AAK1: variants seen among roughly 807,000 people sequenced by gnomAD.
AAK1 encodes AP2-associated protein kinase 1.
Under a neutral mutation model 116.0 loss-of-function variants are expected in AAK1, and 37 were observed. The ratio of observed to expected loss-of-function variants is 0.32; its 90% CI spans 0.25 to 0.42. The LOEUF is 0.42. AAK1 is among the 10% of genes least tolerant of loss of function. The pLI is 1.00. For synonymous variants in AAK1, 458 were observed against 439.9 expected (o/e 1.04, Z -0.51); for missense variants, 919 against 1,170.6 (o/e 0.79, Z 3.14).
intron 2 of AAK1, among the ~76,000 whole-genome samples, chr2:69,559,720 A>G (rs1481420960): frequency 6.6e-6 from 1 of 152,208 alleles, no homozygotes; most frequent in African/African-American, 2.4e-5. Context: ...TCTCTCTCCT[A>G]TAAAAACCAT....
chr2:69,473,914 C>A lies in AAK1; in HGVS notation c.*1955G>T. 1 of 985,806 alleles carries A rather than the reference C, an allele frequency of 1.0e-6. No homozygotes were observed. The highest frequency in any genetic ancestry group is 1.2e-6 in the Non-Finnish European group (1 of 829,924). The allele number at this position is 985,806 out of a possible 1,614,324, so 61.1% of individuals were successfully genotyped here. On this transcript the variant is annotated 3_prime_UTR_variant, in exon 22 of 22. Coordinates refer to ENST00000409085, the MANE Select transcript of AAK1 (RefSeq NM_014911.5). ...AGTCCTATTTTCACTGCTATCCAAC[C>A]ACAGAGAGCCCTTCGTGGATATCTT... is the stretch of plus-strand genomic sequence containing the variant.
At chr2:69,554,810 T>C (rs1253909063) in intron 3 of AAK1, among the ~76,000 whole-genome samples, 1 of 152,228 alleles carries the variant, frequency 6.6e-6, no homozygotes, top group Non-Finnish European at 1.5e-5. Context: ...CCTATTTGAA[T>C]ATTAAAGCTT....
intron 2 of AAK1, among the ~76,000 whole-genome samples, chr2:69,566,716 T>A (rs1010356709): frequency 9.2e-5 from 14 of 152,146 alleles, no homozygotes; most frequent in Non-Finnish European, 2.9e-5. Flanking sequence ...CTCTCAAAAA[T>A]TAATTTTCCA....
At chr2:69,621,747 T>G (rs1255676073) in intron 2 of AAK1, among the ~76,000 whole-genome samples, 1 of 152,220 alleles carries the variant, frequency 6.6e-6, no homozygotes, top group Non-Finnish European at 1.5e-5. Flanking sequence ...CTTCCCTCTT[T>G]CAACCTTCCC....
intron 2 of AAK1, among the ~76,000 whole-genome samples, chr2:69,609,343 A>C (rs2105212961): frequency 6.6e-6 from 1 of 152,232 alleles, no homozygotes; most frequent in Non-Finnish European, 1.5e-5. Flanking sequence ...ATCCTGGGTG[A>C]CAGAGTGAGA....
rs778411207 is a variant in AAK1 at position 69,466,137 on chromosome 2, A to G, written c.*9732T>C. The G allele has an allele frequency of 3.1e-6, 4 of 1,290,426 alleles. No homozygotes were observed. The South Asian group carries it at 4.9e-5, about 16-fold the overall frequency. 79.9% of individuals were successfully genotyped at this position (1,290,426 alleles called of 1,614,324 possible). A position where few individuals can be genotyped will look rare whatever the true frequency, so the allele number is the denominator to read the frequency against. ...TATGGCAAAAACATCTGGCTCACTG[A>G]GCCCATCAGTGGCTGGCTGTGTGAA... On this transcript the variant is annotated 3_prime_UTR_variant, in exon 22 of 22. Coordinates refer to ENST00000409085, the MANE Select transcript of AAK1 (RefSeq NM_014911.5).
intron 2 of AAK1, among the ~76,000 whole-genome samples, chr2:69,581,388 G>A (rs1456268216): frequency 2.0e-5 from 3 of 152,128 alleles, no homozygotes; most frequent in Non-Finnish European, 2.9e-5. Flanking sequence ...GAGCCACTGC[G>A]CCCAGCTGGT....
rs1032498056 is a variant in AAK1, at chr2:69,473,986, G to A, written c.*1883C>T. 1 of 985,708 alleles carries A rather than the reference G, an allele frequency of 1.0e-6. No homozygotes were observed. The highest frequency in any genetic ancestry group is 1.2e-6 in the Non-Finnish European group (1 of 829,922). 61.1% of individuals were successfully genotyped at this position (985,708 alleles called of 1,614,324 possible). A position where few individuals can be genotyped will look rare whatever the true frequency, so the allele number is the denominator to read the frequency against. ...GAAGCTTGTGCCTCTCTCAGTTTTG[G>A]AAATGGTCTGTTATTCAACTAGAGG... is the stretch of plus-strand genomic sequence containing the variant. On this transcript the variant is annotated 3_prime_UTR_variant, in exon 22 of 22. Transcript: ENST00000409085.
In AAK1 at chr2:69,476,077, C is replaced by A. The variant is rs184597347; in HGVS notation, c.2792-114G>T. On this transcript the variant is annotated intron_variant, in intron 21 of 21. Transcript: ENST00000409085. ...AAACCAAAACCAAAACAAAAAAAAA[C>A]CAAAAAAACCAAACCCTAGAGAAGC... 20,103 of 1,464,026 alleles carry A rather than the reference C, an allele frequency of 0.014. 173 individuals carry two copies. The highest frequency in any genetic ancestry group is 0.016 in the Non-Finnish European group (18,045 of 1,109,894). The allele number at this position is 1,464,026 out of a possible 1,614,324, so 90.7% of individuals were successfully genotyped here. A position where few individuals can be genotyped will look rare whatever the true frequency, so the allele number is the denominator to read the frequency against.
chr2:69,539,334 G>A (rs1670606194), intron 5 of AAK1, among the ~76,000 whole-genome samples: 1 of 152,180 alleles, frequency 6.6e-6, no homozygotes, highest in Non-Finnish European at 1.5e-5. Context: ...TTGTAATTCC[G>A]TCAGTATGAG....
At position 69,470,401 on chromosome 2, in the gene AAK1, C is replaced by T. The variant is rs1257939421; in HGVS notation, c.*5468G>A. On this transcript the variant is annotated 3_prime_UTR_variant, in exon 22 of 22. Transcript: ENST00000409085. ...TACATCAAACTAATAATTACCATGA[C>T]CTTCTAGCTCACATAACAAAATTAA... 13 of 985,286 alleles carry T rather than the reference C, an allele frequency of 1.3e-5. No homozygotes were observed. The highest frequency in any genetic ancestry group is 1.1e-4 in the East Asian group (1 of 8,832). 61.0% of individuals were successfully genotyped at this position (985,286 alleles called of 1,614,324 possible).
chr2:69,516,570 G>A (rs961404885), intron 12 of AAK1, among the ~76,000 whole-genome samples: 2 of 152,128 alleles, frequency 1.3e-5, no homozygotes, highest in Non-Finnish European at 2.9e-5. Context: ...AAAAATGGAT[G>A]ATTTCAAGTT....
chr2:69,556,848 G>GGGCA lies in AAK1; in HGVS notation c.282+8_282+11dup. On this transcript the variant is annotated intron_variant, in intron 3 of 21. Transcript: ENST00000409085. ...CATTTTAAACAGTCCCAAGTCCAAG[G>GGGCA]GGCAGCCTTACCATTATCTGGATTT... 7 of 1,593,206 alleles carry GGGCA rather than the reference G, an allele frequency of 4.4e-6. No homozygotes were observed. Among genetic ancestry groups the GGGCA allele is most frequent in the Non-Finnish European group, 6.0e-6 (7 of 1,161,438 alleles).
At chr2:69,533,474 T>C (rs552889267) in intron 5 of AAK1, among the ~76,000 whole-genome samples, 1 of 152,328 alleles carries the variant, frequency 6.6e-6, no homozygotes, top group East Asian at 1.9e-4. Flanking sequence ...TTCTTTTAAT[T>C]CTTCTAAGAA....
At chr2:69,641,697 C>T (rs1283962178) in intron 2 of AAK1, among the ~76,000 whole-genome samples, 1 of 152,192 alleles carries the variant, frequency 6.6e-6, no homozygotes, top group East Asian at 1.9e-4. Context: ...GCAACATCCA[C>T]CATGGTAAGC....
chr2:69,585,082 T>C (rs1428878751), intron 2 of AAK1, among the ~76,000 whole-genome samples: 1 of 152,162 alleles, frequency 6.6e-6, no homozygotes, highest in Admixed American at 6.5e-5. Flanking sequence ...ATTTTGTAGA[T>C]TCAAAAACTG....
At position 69,475,735 on chromosome 2, in the gene AAK1, G is replaced by C; in HGVS notation, c.*134C>G. 7.0e-7 allele frequency: 1 copy of C among 1,431,184 alleles called. No individual in the cohort carries two copies. The highest frequency in any genetic ancestry group is 9.2e-7 in the Non-Finnish European group (1 of 1,090,364). The allele number at this position is 1,431,184 out of a possible 1,614,324, so 88.7% of individuals were successfully genotyped here. A position where few individuals can be genotyped will look rare whatever the true frequency, so the allele number is the denominator to read the frequency against. Reference sequence around the variant, plus strand: ...TTATCATTTCTACAGGAGAAGGCAAGGGGTAGGAGAAAAGGGCTGGAGGGC... The same window carrying C: ...TTATCATTTCTACAGGAGAAGGCAACGGGTAGGAGAAAAGGGCTGGAGGGC... On this transcript the variant is annotated 3_prime_UTR_variant, in exon 22 of 22. Transcript: ENST00000409085.
At chr2:69,637,955 A>G (rs13390782) in intron 2 of AAK1, among the ~76,000 whole-genome samples, 2,223 of 152,322 alleles carry the variant, frequency 0.015, 53 homozygotes, top group African/African-American at 0.051. Flanking sequence ...AGACTGAAAG[A>G]AAGAGTTTGA....
chr2:69,639,580 T>C (rs1458625743), intron 2 of AAK1, among the ~76,000 whole-genome samples: 2 of 152,172 alleles, frequency 1.3e-5, no homozygotes, highest in Non-Finnish European at 1.5e-5. Context: ...GGTATGGCAG[T>C]GCGACATCTT....
Sources: allele counts gnomAD v4.1 joint callset (sites outside exome capture counted in the v4.1 genomes callset), GRCh38; gene constraint gnomAD v4.1.1; transcripts MANE v1.5; gene names NCBI Gene and HGNC (gene_info 2026-07-23, HGNC 2026-07-21).